Variants in TRDN observed in about 807,000 individuals in gnomAD.
TRDN encodes triadin in skeletal muscle.
TRDN carries 161 observed loss-of-function variants against 149.7 expected under a neutral mutation model. The observed-to-expected ratio is 1.08, with a 90% CI of 0.95 to 1.23. TRDN has a LOEUF of 1.23. Ranked by LOEUF, TRDN falls within the 50% of genes most tolerant of loss-of-function variation. TRDN has a pLI of 0.00. For missense variants in TRDN, 896 were observed against 823.5 expected, an observed-to-expected ratio of 1.09 and a Z score of -1.08; for synonymous variants, 294 against 250.5, an observed-to-expected ratio of 1.17 and a Z score of -1.64.
At chr6:123,400,174 T>TATATATATATATATATATAC (rs1237832955) in intron 12 of TRDN, among the ~76,000 whole-genome samples, 1 of 146,562 alleles carries the variant, frequency 6.8e-6, no homozygotes, top group African/African-American at 2.5e-5. Flanking sequence ...TGTGTATATA[T>TATATATATATATATATATAC]ATATATATAT....
At chr6:123,324,010 A>G (rs1779352337) in intron 23 of TRDN, among the ~76,000 whole-genome samples, 1 of 152,174 alleles carries the variant, frequency 6.6e-6, no homozygotes, top group Non-Finnish European at 1.5e-5. Context: ...AAGATGGCAG[A>G]TGGCGAGTTG....
At chr6:123,489,806 A>G (rs1778133089) in intron 9 of TRDN, among the ~76,000 whole-genome samples, 1 of 152,194 alleles carries the variant, frequency 6.6e-6, no homozygotes, top group South Asian at 2.1e-4. Flanking sequence ...CCCCATCATC[A>G]CTATGATTGT....
At chr6:123,367,564 C>T (rs1781156209) in intron 19 of TRDN, among the ~76,000 whole-genome samples, 1 of 152,184 alleles carries the variant, frequency 6.6e-6, no homozygotes, top group African/African-American at 2.4e-5. Context: ...CATACATAAC[C>T]TCTTCTTCGA....
intron 38 of TRDN, among the ~76,000 whole-genome samples, chr6:123,248,976 C>T (rs1403205665): frequency 6.6e-6 from 1 of 152,064 alleles, no homozygotes; most frequent in Non-Finnish European, 1.5e-5. Flanking sequence ...CAACAAAATA[C>T]TAGCAAAATG....
At chr6:123,266,095 A>T (rs904625022) in intron 32 of TRDN, among the ~76,000 whole-genome samples, 123 of 130,636 alleles carry the variant, frequency 9.4e-4, no homozygotes, top group African/African-American at 3.3e-3. Flanking sequence ...TATATTATAT[A>T]TATTATATAT....
In TRDN at chr6:123,498,716, T is replaced by C. The variant is rs374913138; in HGVS notation, c.794-1464A>G. 3,303 of 423,224 alleles carry C rather than the reference T, an allele frequency of 7.8e-3. 112 individuals carry two copies. Among genetic ancestry groups the C allele is most frequent in the South Asian group, 0.054 (3,130 of 57,650 alleles). The allele number at this position is 423,224 out of a possible 1,614,324, so 26.2% of individuals were successfully genotyped here. On this transcript the variant is annotated intron_variant, in intron 8 of 40. Transcript: ENST00000334268. ...TTTTCTAGACATGAGATTGTTTTCC[T>C]GAACAAAACTGTAGAACTGGCAATT...
At chr6:123,468,930 G>C (rs750276411) in intron 9 of TRDN, 1 of 152,036 alleles carries the variant, frequency 6.6e-6, no homozygotes, top group African/African-American at 2.4e-5. Flanking sequence ...GGACTGGAAA[G>C]GTATGAGGAC....
At chr6:123,621,246 C>G (rs1487947019) in intron 1 of TRDN, among the ~76,000 whole-genome samples, 1 of 152,120 alleles carries the variant, frequency 6.6e-6, no homozygotes, top group Admixed American at 6.6e-5. Flanking sequence ...TTTCTCTCTG[C>G]TCCTCCAAAC....
chr6:123,346,058 AT>A (rs535029873), intron 21 of TRDN, among the ~76,000 whole-genome samples: 115 of 152,164 alleles, frequency 7.6e-4, no homozygotes, highest in Non-Finnish European at 1.3e-3. Context: ...AACTTTCAGT[AT>A]GATGTTGATG....
intron 7 of TRDN, among the ~76,000 whole-genome samples, chr6:123,511,536 A>G (rs1317036881): frequency 6.6e-6 from 1 of 152,210 alleles, no homozygotes; most frequent in African/African-American, 2.4e-5. Flanking sequence ...TTAAAATCAA[A>G]TTCAAGGTAT....
At chr6:123,527,517 C>A (rs1430012382) in intron 5 of TRDN, among the ~76,000 whole-genome samples, 1 of 151,754 alleles carries the variant, frequency 6.6e-6, no homozygotes, top group Non-Finnish European at 1.5e-5. Context: ...AATTTGAAAC[C>A]ATCACCCTAA....
At chr6:123,439,107 G>A (rs1377999977) in intron 10 of TRDN, 104 bp from the exon 11 acceptor site, 1 of 795,222 alleles carries the variant, frequency 1.3e-6, no homozygotes, top group Non-Finnish European at 2.0e-6. Context: ...CCTCCAGCTA[G>A]CTTTGTGACT....
intron 8 of TRDN, chr6:123,502,825 C>G (rs1454283198): frequency 1.0e-6 from 1 of 985,100 alleles, no homozygotes; most frequent in Non-Finnish European, 1.2e-6. Context: ...ACACCAATTA[C>G]AGGAATAGTC....
At chr6:123,356,741 A>C (rs957661314) in intron 20 of TRDN, among the ~76,000 whole-genome samples, 3 of 150,594 alleles carry the variant, frequency 2.0e-5, no homozygotes, top group Admixed American at 6.6e-5. Context: ...TACAATTATA[A>C]ATTTAAAATT....
chr6:123,491,573 G>C (rs1778219626), intron 9 of TRDN, among the ~76,000 whole-genome samples: 2 of 152,108 alleles, frequency 1.3e-5, no homozygotes, highest in South Asian at 4.1e-4. Flanking sequence ...CCAAGAGGTT[G>C]ATAGAGAAAA....
chr6:123,436,095 C>T (rs1048780444), intron 12 of TRDN, among the ~76,000 whole-genome samples: 5 of 152,066 alleles, frequency 3.3e-5, no homozygotes, highest in African/African-American at 1.2e-4. Context: ...ATGAAAAATG[C>T]TTGAAAATTA....
In TRDN at chr6:123,602,677, G is replaced by T. The variant is rs1784334162; in HGVS notation, c.23-31545C>A. ...TCAATGTATTTCCTTCCATGTGAAG[G>T]GTACTGCTGACAACACAGAGAAACT... On this transcript the variant is annotated intron_variant, in intron 1 of 40. Coordinates refer to ENST00000334268, the MANE Select transcript of TRDN (RefSeq NM_006073.4). Among the ~76,000 whole-genome samples, 7 of 152,026 alleles carry T rather than the reference G, an allele frequency of 4.6e-5. 1 individual carries two copies. In the South Asian group the frequency reaches 1.5e-3, roughly 32 times the overall value.
chr6:123,515,256 G>A (rs1360271903), intron 6 of TRDN, among the ~76,000 whole-genome samples: 1 of 151,412 alleles, frequency 6.6e-6, no homozygotes, highest in Non-Finnish European at 1.5e-5. Flanking sequence ...TACAAAGGAA[G>A]GAGAAAAATA....
intron 12 of TRDN, among the ~76,000 whole-genome samples, chr6:123,433,696 A>G (rs937445151): frequency 6.6e-6 from 1 of 152,170 alleles, no homozygotes; most frequent in African/African-American, 2.4e-5. Flanking sequence ...TACCATTATC[A>G]ATAGTTATTT....
Sources: allele counts gnomAD v4.1 joint callset (sites outside exome capture counted in the v4.1 genomes callset), GRCh38; gene constraint gnomAD v4.1.1; transcripts MANE v1.5; gene names NCBI Gene and HGNC (gene_info 2026-07-23, HGNC 2026-07-21).